The following MAST2 variants were observed in gnomAD, a reference collection of about 807,000 sequenced individuals.
MAST2 encodes microtubule-associated serine/threonine-protein kinase 2.
Under a neutral mutation model 147.4 loss-of-function variants are expected in MAST2, and 70 were observed. That is an observed-to-expected ratio of 0.47 (90% confidence interval 0.39 to 0.58). The LOEUF (loss-of-function observed/expected upper bound fraction) is 0.58. Among genes scored for constraint, MAST2 ranks in the 20% least tolerant of loss-of-function variants. MAST2 has a pLI of 0.00. For synonymous variants in MAST2, 869 were observed against 896.8 expected, an observed-to-expected ratio of 0.97 and a Z score of 0.55; for missense variants, 2,080 against 2,302.3, an observed-to-expected ratio of 0.90 and a Z score of 1.98.
chr1:45,854,909 A>C (rs75619838), intron 3 of MAST2, among the ~76,000 whole-genome samples: 1 of 152,242 alleles, frequency 6.6e-6, no homozygotes, highest in Non-Finnish European at 1.5e-5. Flanking sequence ...TAAATTGGAT[A>C]CAGATGAACC....
chr1:45,934,219 C>G lies in MAST2; in HGVS notation c.501-25167C>G, dbSNP rs369828985. ...ATTCACTTAGGATGGTGGCCTCTAG[C>G]TGCATCCATGTTGCTGTAAAGAACA... On this transcript the variant is annotated intron_variant, in intron 4 of 28. Coordinates refer to ENST00000361297, the MANE Select transcript of MAST2 (RefSeq NM_015112.3). Among the ~76,000 whole-genome samples, 52 of 152,256 alleles carry G rather than the reference C, an allele frequency of 3.4e-4. 1 individual carries two copies. The South Asian group carries it at 0.01, about 30-fold the overall frequency.
intron 1 of MAST2, among the ~76,000 whole-genome samples, chr1:45,808,273 C>T (rs1177793381): frequency 6.6e-6 from 1 of 152,124 alleles, no homozygotes; most frequent in Non-Finnish European, 1.5e-5. Flanking sequence ...CTCTGTCGCC[C>T]AGGCTGGAGT....
chr1:46,034,670 G>A lies in MAST2; in HGVS notation c.4001G>A (p.Arg1334Gln), dbSNP rs774963221. Residue 1334 changes from arginine (R) to glutamine (Q), a missense_variant, in exon 29 of 29, where the codon CGG becomes CAG. By Grantham distance (43) the Arg-to-Gln change is conservative. Coordinates refer to ENST00000361297, the MANE Select transcript of MAST2 (RefSeq NM_015112.3). ...CTCCAACGCCAGTACCGCTCTCCAC[G>A]GCGCAAGTCAGCAGGCAGCATCCCA... ...PKLQRQYRSP[R>Q]RKSAGSIPLS... 18 of 1,614,062 alleles carry A rather than the reference G, an allele frequency of 1.1e-5. No homozygotes were observed. Among genetic ancestry groups the A allele is most frequent in the Admixed American group, 3.3e-5 (2 of 60,018 alleles).
At chr1:45,894,991 T>C (rs190457835) in intron 4 of MAST2, among the ~76,000 whole-genome samples, 14 of 152,346 alleles carry the variant, frequency 9.2e-5, no homozygotes, top group African/African-American at 3.4e-4. Context: ...TATACCCATG[T>C]AACTACAACC....
At chr1:45,882,541 G>A in intron 4 of MAST2, 146 bp downstream of exon 4, 1 of 605,880 alleles carries the variant, frequency 1.7e-6, no homozygotes. Flanking sequence ...AAGCCAGCAG[G>A]CCAACTGACT....
At chr1:45,961,264 G>A (rs1660379553) in intron 5 of MAST2, among the ~76,000 whole-genome samples, 1 of 151,982 alleles carries the variant, frequency 6.6e-6, no homozygotes, top group African/African-American at 2.4e-5. Context: ...AAATTAGCTG[G>A]ATTAGCTCAA....
chr1:45,882,012 TAAAAAAAAAA>T lies in MAST2; in HGVS notation c.469-331_469-322del, dbSNP rs71062722. On this transcript the variant is annotated intron_variant, in intron 3 of 28. Transcript: ENST00000361297. ...TAACACGGTGAAACCCCGTCTCTAC[TAAAAAAAAAA>T]AAAAAAAAAAAAAAAAAAAATTAGC... Among the ~76,000 whole-genome samples, 10 of 39,832 alleles carry T rather than the reference TAAAAAAAAAA, an allele frequency of 2.5e-4. No individual in the cohort carries two copies. The East Asian group carries it at 3.7e-3, about 15-fold the overall frequency. 26.1% of individuals were successfully genotyped at this position (39,832 alleles called of 152,430 possible). A position where few individuals can be genotyped will look rare whatever the true frequency, so the allele number is the denominator to read the frequency against.
chr1:45,928,711 G>C (rs1654801366), intron 4 of MAST2, among the ~76,000 whole-genome samples: 1 of 151,860 alleles, frequency 6.6e-6, no homozygotes, highest in Non-Finnish European at 1.5e-5. Flanking sequence ...CTCCCAAGTA[G>C]TTGGGACTAC....
At chr1:46,027,323 C>A (rs745306453) in intron 16 of MAST2, among the ~76,000 whole-genome samples, 3 of 152,158 alleles carry the variant, frequency 2.0e-5, no homozygotes, top group Non-Finnish European at 4.4e-5. Context: ...TGCCCCCTGC[C>A]CCTCTCCCTG....
intron 3 of MAST2, among the ~76,000 whole-genome samples, chr1:45,854,192 C>T (rs145077262): frequency 1.0e-3 from 153 of 152,086 alleles, no homozygotes; most frequent in African/African-American, 3.6e-3. Flanking sequence ...TAACAATTAG[C>T]CAGGAGTGAT....
chr1:45,924,226 T>A, intron 4 of MAST2, among the ~76,000 whole-genome samples: 1 of 152,182 alleles, frequency 6.6e-6, no homozygotes, highest in East Asian at 1.9e-4. Context: ...TGCTCATTAC[T>A]GTCATCTATT....
chr1:45,917,136 G>A (rs913607053), intron 4 of MAST2, among the ~76,000 whole-genome samples: 1 of 152,140 alleles, frequency 6.6e-6, no homozygotes, highest in Non-Finnish European at 1.5e-5. Context: ...CTTAAATGTT[G>A]TATTTTAATT....
chr1:45,893,602 A>T (rs1471511828), intron 4 of MAST2, among the ~76,000 whole-genome samples: 2 of 149,226 alleles, frequency 1.3e-5, no homozygotes, highest in African/African-American at 4.9e-5. Context: ...GATATTTTAA[A>T]AAAAAAAAAA....
At chr1:46,014,165 G>A (rs1645832544) in intron 10 of MAST2, among the ~76,000 whole-genome samples, 1 of 149,138 alleles carries the variant, frequency 6.7e-6, no homozygotes. Context: ...ATTTGATTAT[G>A]TATTTTTCTT....
intron 3 of MAST2, among the ~76,000 whole-genome samples, chr1:45,854,372 GTTTA>G (rs1645722534): frequency 6.6e-6 from 1 of 151,196 alleles, no homozygotes; most frequent in African/African-American, 2.4e-5. Flanking sequence ...TATTTGTGTG[GTTTA>G]TTTCTGGGTT....
chr1:45,978,767 G>A (rs988648148), intron 5 of MAST2, among the ~76,000 whole-genome samples: 33 of 152,144 alleles, frequency 2.2e-4, no homozygotes, highest in Non-Finnish European at 4.6e-4. Flanking sequence ...TCTATGAAAT[G>A]TCCAGGATAC....
chr1:45,994,274 C>T (rs1406797078), intron 5 of MAST2, among the ~76,000 whole-genome samples: 15 of 62,030 alleles, frequency 2.4e-4, no homozygotes, highest in Non-Finnish European at 3.0e-4. Flanking sequence ...CCCTAACCCT[C>T]TTTTTTTTTT....
At chr1:45,846,562 C>A (rs527570600) in intron 3 of MAST2, among the ~76,000 whole-genome samples, 1 of 152,150 alleles carries the variant, frequency 6.6e-6, no homozygotes, top group East Asian at 1.9e-4. Flanking sequence ...TGGCTCATAC[C>A]TGTAATCCCA....
chr1:45,893,749 A>G (rs1284881477), intron 4 of MAST2, among the ~76,000 whole-genome samples: 1 of 152,230 alleles, frequency 6.6e-6, no homozygotes, highest in African/African-American at 2.4e-5. Flanking sequence ...GAATATTTAT[A>G]GTAATAGCAT....
Sources: allele counts gnomAD v4.1 joint callset (sites outside exome capture counted in the v4.1 genomes callset), GRCh38; gene constraint gnomAD v4.1.1; transcripts MANE v1.5; gene names NCBI Gene and HGNC (gene_info 2026-07-23, HGNC 2026-07-21).